Variants in TPTE2 observed in about 807,000 individuals in gnomAD.
TPTE2 encodes the protein transmembrane phosphoinositide 3-phosphatase and tensin homolog 2.
In TPTE2, 53 loss-of-function variants were observed where a neutral mutation model predicts 78.6. The observed-to-expected ratio is 0.67, with a 90% CI of 0.54 to 0.85. The LOEUF (loss-of-function observed/expected upper bound fraction) is 0.85, where lower values mean the gene tolerates loss of function less well. TPTE2 is among the 40% of genes least tolerant of loss of function. The probability of loss-of-function intolerance (pLI) is 0.00; values close to 1 mark genes in which losing one functional copy is unlikely to be tolerated. For synonymous variants in TPTE2, 175 were observed against 206.2 expected (o/e 0.85, Z 1.30); for missense variants, 461 against 623.0 (o/e 0.74, Z 2.77).
intron 5 of TPTE2, among the ~76,000 whole-genome samples, chr13:19,474,914 A>G (rs1879840228): frequency 6.6e-6 from 1 of 152,240 alleles, no homozygotes; most frequent in African/African-American, 2.4e-5. Flanking sequence ...TAAGGTACTT[A>G]ATAAAACACT....
rs1195955696 is a variant in TPTE2, at chr13:19,497,225, G to A, written c.12-3724C>T. ...CAAGGCGGCAGCGAGGCTGGGGGAG[G>A]GGCGCCCGACATTGCCCAGGCTTGA... On this transcript the variant is annotated intron_variant, in intron 1 of 19. Transcript: ENST00000400230. Among the ~76,000 whole-genome samples the A allele has an allele frequency of 1.5e-3, 216 of 148,386 alleles. 1 individual carries two copies. Among genetic ancestry groups the A allele is most frequent in the Non-Finnish European group, 2.4e-3 (159 of 66,320 alleles).
Position 19,438,083 on chromosome 13 carries a change from C to T in TPTE2, c.1035+9G>A. The T allele has an allele frequency of 6.2e-7, 1 of 1,604,292 alleles. No homozygotes were observed. Among genetic ancestry groups the T allele is most frequent in the Non-Finnish European group, 8.5e-7 (1 of 1,174,462 alleles). On this transcript the variant is annotated intron_variant, in intron 14 of 19. Coordinates refer to ENST00000400230, the Ensembl canonical transcript of TPTE2. ...TCATAAGAGAAAGTTTGTAGAACATCTTTCATACCTCGGCAGTTAAAAATA... is the reference window on the plus strand; with the variant it reads ...TCATAAGAGAAAGTTTGTAGAACATTTTTCATACCTCGGCAGTTAAAAATA...
the TPTE2 span, among the ~76,000 whole-genome samples, chr13:19,541,926 T>C: frequency 1.3e-5 from 2 of 152,166 alleles, no homozygotes; most frequent in African/African-American, 4.8e-5. Context: ...GAATGTTCAG[T>C]AGAACATTCA....
At chr13:19,490,912 C>A (rs1284354160) in intron 3 of TPTE2, among the ~76,000 whole-genome samples, 1 of 152,160 alleles carries the variant, frequency 6.6e-6, no homozygotes, top group Non-Finnish European at 1.5e-5. Context: ...TACACACATT[C>A]TCATATTTTC....
chr13:19,426,429 G>T lies in TPTE2; in HGVS notation c.1391C>A (p.Ser464Tyr), dbSNP rs535760419. The T allele has an allele frequency of 2.1e-5, 33 of 1,600,026 alleles. No homozygotes were observed. The South Asian group carries it at 3.5e-4, about 17-fold the overall frequency. ...GGCTATTTTGTGATTACTCACCGAAGAGAAAAACTGCACTTTCACATCATC... is the reference window on the plus strand; with the variant it reads ...GGCTATTTTGTGATTACTCACCGAATAGAAAAACTGCACTTTCACATCATC... Residue 464 changes from serine to tyrosine, a missense_variant, in exon 18 of 20, where the codon TCT (serine) becomes TAT (tyrosine). Physicochemically the swap from Ser to Tyr is moderately radical, Grantham distance 144 (BLOSUM62 -2). Coordinates refer to ENST00000400230, the Ensembl canonical transcript of TPTE2.
intron 15 of TPTE2, among the ~76,000 whole-genome samples, chr13:19,432,879 T>G (rs1876774949): frequency 6.6e-6 from 1 of 152,102 alleles, no homozygotes; most frequent in African/African-American, 2.4e-5. Flanking sequence ...AGTTACAGCA[T>G]CATCAGTGTC....
At chr13:19,437,477 T>C (rs1421327337) in intron 14 of TPTE2, among the ~76,000 whole-genome samples, 1 of 152,222 alleles carries the variant, frequency 6.6e-6, no homozygotes, top group Admixed American at 6.5e-5. Context: ...AGCAAAGATA[T>C]TTACATTCAG....
intron 3 of TPTE2, among the ~76,000 whole-genome samples, chr13:19,485,970 C>G (rs1180902570): frequency 6.6e-6 from 1 of 152,086 alleles, no homozygotes; most frequent in East Asian, 1.9e-4. Flanking sequence ...TTATATCTCA[C>G]TGAGTTTCCT....
chr13:19,468,707 T>G (rs1435425165), intron 6 of TPTE2, among the ~76,000 whole-genome samples: 1 of 152,196 alleles, frequency 6.6e-6, no homozygotes, highest in East Asian at 1.9e-4. Context: ...TATAAACCAT[T>G]TTAGCTGGGG....
upstream of TPTE2, among the ~76,000 whole-genome samples, chr13:19,506,516 T>G (rs919881495): frequency 6.6e-6 from 1 of 152,182 alleles, no homozygotes; most frequent in African/African-American, 2.4e-5. Context: ...GGCTCTCTCA[T>G]AGGTTACTAC....
chr13:19,444,400 T>C (rs1303086422), intron 13 of TPTE2, among the ~76,000 whole-genome samples: 2 of 111,098 alleles, frequency 1.8e-5, no homozygotes, highest in South Asian at 2.9e-4. Flanking sequence ...ATAAATAAAA[T>C]GAACTGCATT....
chr13:19,442,255 G>A (rs771186723), intron 13 of TPTE2, among the ~76,000 whole-genome samples: 11 of 151,542 alleles, frequency 7.3e-5, no homozygotes, highest in Non-Finnish European at 1.5e-4. Context: ...ACAACAAAAT[G>A]TAATAAATCA....
intron 1 of TPTE2, among the ~76,000 whole-genome samples, chr13:19,534,007 G>A (rs1371411256): frequency 6.6e-6 from 1 of 152,194 alleles, no homozygotes; most frequent in Non-Finnish European, 1.5e-5. Flanking sequence ...GGTAAAGGTA[G>A]ACCTCTATCA....
intron 15 of TPTE2, among the ~76,000 whole-genome samples, chr13:19,434,805 G>A (rs528230958): frequency 5.8e-4 from 89 of 152,206 alleles, no homozygotes; most frequent in African/African-American, 2.0e-3. Context: ...CTCTCACTTC[G>A]GTTTCAGGGG....
In TPTE2 at chr13:19,423,177, A is replaced by G; in HGVS notation, c.1467-13T>C. The G allele has an allele frequency of 6.3e-7, 1 of 1,589,980 alleles. No homozygotes were observed. The highest frequency in any genetic ancestry group is 8.6e-7 in the Non-Finnish European group (1 of 1,169,068). On this transcript the variant is annotated splice_polypyrimidine_tract_variant and intron_variant, in intron 19 of 19. Coordinates refer to ENST00000400230, the Ensembl canonical transcript of TPTE2. ...TGGTAGACAAAGCCTAAGAATAGAA[A>G]AAAAAAATTACATTTTATATTGGGG...
intron 10 of TPTE2, among the ~76,000 whole-genome samples, chr13:19,454,124 T>C (rs964374182): frequency 6.6e-6 from 1 of 152,214 alleles, no homozygotes; most frequent in Non-Finnish European, 1.5e-5. Flanking sequence ...ACTCTATGGG[T>C]CCTGCTTCTC....
chr13:19,500,555 G>A (rs1868432376), intron 1 of TPTE2, among the ~76,000 whole-genome samples: 1 of 151,996 alleles, frequency 6.6e-6, no homozygotes, highest in African/African-American at 2.4e-5. Flanking sequence ...AAAACCACAT[G>A]ATTATCTCAA....
chr13:19,528,033 A>G (rs1429065952), intron 1 of TPTE2, among the ~76,000 whole-genome samples: 1 of 152,148 alleles, frequency 6.6e-6, no homozygotes, highest in Non-Finnish European at 1.5e-5. Context: ...TGGAAACTGC[A>G]GTGTGGCAAC....
At chr13:19,458,342 T>A in intron 10 of TPTE2, 1 of 284,962 alleles carries the variant, frequency 3.5e-6, no homozygotes, top group Non-Finnish European at 7.1e-6. Context: ...ATAGGACACA[T>A]AAAAAAGTCA....
Sources: gnomAD v4.1 joint callset for allele counts (sites outside exome capture counted in the v4.1 genomes callset) on GRCh38, gnomAD v4.1.1 for gene constraint, MANE v1.5 for transcripts, NCBI Gene and HGNC (gene_info 2026-07-23, HGNC 2026-07-21) for gene names.